The following COL6A2 variants were observed in gnomAD, a reference collection of about 807,000 sequenced individuals.
The protein encoded by COL6A2 is collagen alpha-2(VI) chain.
Under a neutral mutation model 124.9 loss-of-function variants are expected in COL6A2, and 90 were observed. The ratio of observed to expected loss-of-function variants is 0.72; its 90% confidence interval spans 0.61 to 0.86. COL6A2 has a LOEUF of 0.86. Among genes scored for constraint, COL6A2 ranks in the 40% least tolerant of loss-of-function variants. The pLI, the probability that COL6A2 is intolerant of heterozygous loss-of-function variation, is 0.00. For missense variants in COL6A2, 1,607 were observed against 1,502.5 expected (o/e 1.07, Z -1.15); for synonymous variants, 793 against 618.2 (o/e 1.28, Z -4.19).
At chr21:46,124,051 GATGA>G (rs1161139400) in intron 21 of COL6A2, among the ~76,000 whole-genome samples, 10 of 151,222 alleles carry the variant, frequency 6.6e-5, no homozygotes, top group Non-Finnish European at 1.5e-4. Context: ...TGGGTGGATG[GATGA>G]GTGAACGGAT....
In COL6A2 at chr21:46,125,551, A is replaced by G; in HGVS notation, c.1903A>G (p.Lys635Glu). Reference protein sequence around the residue: ...SIGYTNFTLEKNFVINVVNRL... With the variant: ...SIGYTNFTLEENFVINVVNRL... Reference sequence around the variant, plus strand: ...TGGGTACACCAACTTCACACTGGAGAAGAACTTCGTCATCAACGTGGTCAA... The same window carrying G: ...TGGGTACACCAACTTCACACTGGAGGAGAACTTCGTCATCAACGTGGTCAA... The change falls in exon 25 of 28, where the codon AAG becomes GAG. Residue 635 changes from lysine (K) to glutamate (E), a missense_variant. Coordinates refer to ENST00000300527, the MANE Select transcript of COL6A2 (RefSeq NM_001849.4). 6.2e-7 allele frequency: 1 copy of G among 1,612,900 alleles called. No homozygotes were observed. Among genetic ancestry groups the G allele is most frequent in the Non-Finnish European group, 8.5e-7 (1 of 1,179,952 alleles).
chr21:46,130,177 C>T (rs550835183), intron 27 of COL6A2, among the ~76,000 whole-genome samples: 9 of 152,314 alleles, frequency 5.9e-5, no homozygotes, highest in Middle Eastern at 3.4e-3. Context: ...CACAGTAGGG[C>T]GAATGGCCAC....
intron 27 of COL6A2, chr21:46,129,135 A>G: frequency 6.2e-7 from 1 of 1,609,724 alleles, no homozygotes; most frequent in African/African-American, 1.3e-5. Context: ...CTGCCCGAGG[A>G]GGAGCTCTAG....
At chr21:46,126,677 TAGGGAGATGGCCCC>T in intron 27 of COL6A2, 136 bp downstream of exon 27, 2 of 1,050,482 alleles carry the variant, frequency 1.9e-6, no homozygotes, top group South Asian at 2.7e-5. Context: ...GGCTGCTCCT[TAGGGAGATGGCCCC>T]AGGATGGCAG....
Position 46,124,719 on chromosome 21 carries a change from TTGG to T in COL6A2, c.1734+10_1734+12del, listed in dbSNP as rs1197848901. 1.9e-6 allele frequency: 3 copies of T among 1,612,356 alleles called. No individual in the cohort carries two copies. The highest frequency in any genetic ancestry group is 2.5e-6 in the Non-Finnish European group (3 of 1,179,696). On this transcript the variant is annotated splice_region_variant and intron_variant, in intron 22 of 27. Coordinates refer to ENST00000300527, the MANE Select transcript of COL6A2 (RefSeq NM_001849.4). ...GAGGAGTCCCAGGACCCGAGGTAGG[TTGG>T]TGGCCAGTCCCCATGCCCTCCCCCC...
At chr21:46,112,932 G>A (rs533165486) in intron 4 of COL6A2, 108 bp downstream of exon 4, 1 of 1,420,554 alleles carries the variant, frequency 7.0e-7, no homozygotes, top group African/African-American at 1.4e-5. Context: ...CAGATGAGAG[G>A]AGAGGGAGTC....
chr21:46,115,786 C>A, intron 5 of COL6A2, 86 bp from the exon 6 acceptor site: 3 of 1,216,944 alleles, frequency 2.5e-6, no homozygotes, highest in Non-Finnish European at 2.4e-6. Context: ...TCTGCTGTGT[C>A]ACCTCTCAGA....
rs1157896079 is a variant in COL6A2 at position 46,132,708 on chromosome 21, G to GGCCCCC, written c.*161_*166dup. The GGCCCCC allele has an allele frequency of 5.3e-6, 4 of 752,202 alleles. No homozygotes were observed. Among genetic ancestry groups the GGCCCCC allele is most frequent in the East Asian group, 2.7e-5 (1 of 36,538 alleles). 46.6% of individuals were successfully genotyped at this position (752,202 alleles called of 1,614,324 possible). A position where few individuals can be genotyped will look rare whatever the true frequency, so the allele number is the denominator to read the frequency against. ...CCTCCCACGGGGTCCCCGTAGCCCC[G>GGCCCCC]GCCCCCGCCCAGCCCCAGGTCTCCC... On this transcript the variant is annotated 3_prime_UTR_variant, in exon 28 of 28. Transcript: ENST00000300527.
At chr21:46,122,030 C>A in intron 18 of COL6A2, 78 bp from the exon 19 acceptor site, 1 of 1,485,264 alleles carries the variant, frequency 6.7e-7, no homozygotes, top group Non-Finnish European at 9.3e-7. Context: ...CAGTGTGCAC[C>A]TTGCGCCCTG....
intron 1 of COL6A2, among the ~76,000 whole-genome samples, chr21:46,108,710 A>G (rs2078362081): frequency 6.6e-6 from 1 of 152,156 alleles, no homozygotes; most frequent in African/African-American, 2.4e-5. Context: ...GCAACACTGT[A>G]CTTTAACTTC....
Position 46,122,540 on chromosome 21 carries a change from G to A in COL6A2, c.1608+9G>A. On this transcript the variant is annotated intron_variant, in intron 20 of 27. Coordinates refer to ENST00000300527, the MANE Select transcript of COL6A2 (RefSeq NM_001849.4). ...GCCCACGCGGCCCCGAGGTATGTGTGGGTCCTGGCCACCTGTGCCCACCCA... is the reference window on the plus strand; with the variant it reads ...GCCCACGCGGCCCCGAGGTATGTGTAGGTCCTGGCCACCTGTGCCCACCCA... 2 of 1,612,616 alleles carry A rather than the reference G, an allele frequency of 1.2e-6. No individual in the cohort carries two copies. The highest frequency in any genetic ancestry group is 2.2e-5 in the South Asian group (2 of 91,072).
At chr21:46,121,911 G>A (rs998087168) in intron 18 of COL6A2, among the ~76,000 whole-genome samples, 197 bp from the exon 19 acceptor site, 2 of 152,136 alleles carry the variant, frequency 1.3e-5, no homozygotes, top group Admixed American at 1.3e-4. Flanking sequence ...GCAGGCTTCG[G>A]GTCTCTAGGC....
chr21:46,129,325 C>T (rs761193026), intron 27 of COL6A2: 15 of 1,612,818 alleles, frequency 9.3e-6, no homozygotes, highest in Admixed American at 3.3e-5. Context: ...ACGCAGGACC[C>T]GGCCGCCTAC....
chr21:46,131,917 TCCC>T (rs1601266378), intron 27 of COL6A2, 34 bp from the exon 28 acceptor site: 1 of 1,545,050 alleles, frequency 6.5e-7, no homozygotes, highest in Non-Finnish European at 8.7e-7. Context: ...CCTGCCCACC[TCCC>T]CTCCGCCCAG....
At chr21:46,108,910 G>A (rs1035820244) in intron 1 of COL6A2, among the ~76,000 whole-genome samples, 1 of 152,230 alleles carries the variant, frequency 6.6e-6, no homozygotes, top group Non-Finnish European at 1.5e-5. Context: ...ACACAGACAA[G>A]TGGAGGGTGT....
intron 26 of COL6A2, 43 bp from the exon 27 acceptor site, chr21:46,126,460 G>T (rs376168446): frequency 1.2e-6 from 2 of 1,601,722 alleles, no homozygotes; most frequent in Admixed American, 1.7e-5. Context: ...GGGTTCGCTA[G>T]GGACTGACCC....
chr21:46,123,210 T>TC (rs1568936320), intron 21 of COL6A2, among the ~76,000 whole-genome samples: 1 of 66,806 alleles, frequency 1.5e-5, no homozygotes, highest in East Asian at 4.5e-4. Context: ...CTCCACAACA[T>TC]CCCCCCAGAG....
At chr21:46,131,709 CTG>C (rs1183550961) in intron 27 of COL6A2, among the ~76,000 whole-genome samples, 2 of 152,182 alleles carry the variant, frequency 1.3e-5, no homozygotes, top group Non-Finnish European at 2.9e-5. Context: ...GGCCTGGGGC[CTG>C]TGTCAGGGTC....
intron 21 of COL6A2, among the ~76,000 whole-genome samples, chr21:46,123,209 A>T (rs1272111395): frequency 1.2e-5 from 1 of 85,154 alleles, no homozygotes; most frequent in Non-Finnish European, 2.0e-5. Flanking sequence ...CCTCCACAAC[A>T]TCCCCCCAGA....
Sources: gnomAD v4.1 joint callset for allele counts (sites outside exome capture counted in the v4.1 genomes callset) on GRCh38, gnomAD v4.1.1 for gene constraint, MANE v1.5 for transcripts, NCBI Gene and HGNC (gene_info 2026-07-23, HGNC 2026-07-21) for gene names.